Variants in RELN observed in about 807,000 individuals in gnomAD.
RELN encodes reelin.
In RELN, 108 loss-of-function variants were observed where a neutral mutation model predicts 427.6. That is an observed-to-expected ratio of 0.25 (90% CI 0.22 to 0.30). RELN has a LOEUF of 0.30. Among genes scored for constraint, RELN ranks in the 10% least tolerant of loss-of-function variants. RELN has a pLI of 1.00. For synonymous variants in RELN, 1,524 were observed against 1,513.4 expected (o/e 1.01, Z -0.16); for missense variants, 3,715 against 4,302.8 (o/e 0.86, Z 3.82).
chr7:103,694,712 A>AT (rs904716867), intron 10 of RELN, among the ~76,000 whole-genome samples: 1 of 151,380 alleles, frequency 6.6e-6, no homozygotes, highest in African/African-American at 2.4e-5. Context: ...CACCTTGGAA[A>AT]TTTTTTTTTC....
rs368098458 is a variant in RELN at position 103,824,627 on chromosome 7, A to AGT, written c.473+8908_473+8909dup. Among the ~76,000 whole-genome samples the AGT allele has an allele frequency of 0.087, 11,420 of 130,774 alleles. 503 individuals are homozygous for AGT. The highest frequency in any genetic ancestry group is 0.093 in the Non-Finnish European group (5,828 of 62,998). The allele number at this position is 130,774 out of a possible 152,430, so 85.8% of individuals were successfully genotyped here. ...GTGTTTTCACTTTCTTTCAAAACAG[A>AGT]GTGTGTGTGTGTGTGTGTGTGTGTG... On this transcript the variant is annotated intron_variant, in intron 3 of 64. Coordinates refer to ENST00000428762, the MANE Select transcript of RELN (RefSeq NM_005045.4). This position sits in a 1 kb window ranked among gnomAD's most constrained non-coding sequence, Gnocchi z 4.4.
intron 2 of RELN, among the ~76,000 whole-genome samples, chr7:103,839,958 G>A (rs940231758): frequency 5.9e-5 from 9 of 152,096 alleles, no homozygotes; most frequent in Non-Finnish European, 1.0e-4. Flanking sequence ...TGCTGTTCTC[G>A]TGATCGTGAG....
At position 103,989,623 on chromosome 7, in the gene RELN, C is replaced by G. The variant is rs1402845141; in HGVS notation, c.-267G>C. The G allele has an allele frequency of 3.1e-5, 11 of 355,902 alleles. No homozygotes were observed. The allele number at this position is 355,902 out of a possible 1,614,324, so 22.0% of individuals were successfully genotyped here. A position where few individuals can be genotyped will look rare whatever the true frequency, so the allele number is the denominator to read the frequency against. The stretch of plus-strand genomic sequence containing the variant: ...GTCGTCTGCCGCCTCCGTGCGCCGC[C>G]GCCGCCTCTGCGCGACGCCCCTCGG... On this transcript the variant is annotated 5_prime_UTR_variant, in exon 1 of 65. Coordinates refer to ENST00000428762, the MANE Select transcript of RELN (RefSeq NM_005045.4). This position sits in a 1 kb window ranked among gnomAD's most constrained non-coding sequence, Gnocchi z 4.9.
At chr7:103,773,529 G>A (rs1377305615) in intron 4 of RELN, among the ~76,000 whole-genome samples, 1 of 150,422 alleles carries the variant, frequency 6.6e-6, no homozygotes, top group Non-Finnish European at 1.5e-5. Context: ...GAGTTCAGTG[G>A]TGCAATTTCG....
intron 1 of RELN, among the ~76,000 whole-genome samples, chr7:103,931,769 C>T (rs1400197219): frequency 6.6e-6 from 1 of 152,142 alleles, no homozygotes; most frequent in East Asian, 1.9e-4. Context: ...TAGTCCTACC[C>T]AAAAGTCTCC....
chr7:103,711,042 CA>C (rs769990622), intron 8 of RELN, among the ~76,000 whole-genome samples: 2 of 150,602 alleles, frequency 1.3e-5, no homozygotes, highest in African/African-American at 2.4e-5. Context: ...GACTCCGTCT[CA>C]AAAAAAAATT....
intron 11 of RELN, among the ~76,000 whole-genome samples, chr7:103,671,937 C>T (rs569178785): frequency 6.6e-6 from 1 of 152,262 alleles, no homozygotes; most frequent in Non-Finnish European, 1.5e-5. Context: ...ACCTTCAATT[C>T]ATTTACCTTG....
At chr7:103,796,875 C>CAAAAAAAAAAAAAAAAAAAAAA (rs1310087423) in intron 3 of RELN, among the ~76,000 whole-genome samples, 4 of 67,166 alleles carry the variant, frequency 6.0e-5, no homozygotes, top group Non-Finnish European at 8.3e-5. Flanking sequence ...CTCCATCTCA[C>CAAAAAAAAAAAAAAAAAAAAAA]AAAAAAAAAA....
At chr7:103,503,254 A>C in intron 51 of RELN, 24 bp from the exon 52 acceptor site, 5 of 1,603,558 alleles carry the variant, frequency 3.1e-6, no homozygotes, top group South Asian at 1.1e-5. Flanking sequence ...AAACAAGATC[A>C]AGGTATTAAA....
rs1792681017 is a variant in RELN at position 103,809,444 on chromosome 7, CGCG to C, written c.473+24090_473+24092del. 4.0e-5 allele frequency among the ~76,000 whole-genome samples: 6 copies of C among 148,602 alleles called. No homozygotes were observed. In the South Asian group the frequency reaches 1.4e-3, roughly 35 times the overall value. The stretch of plus-strand genomic sequence containing the variant: ...AGTGTACCACCTGTGCTACAGGCCT[CGCG>C]AGCAGCCAGCCACCTCCAGGAGAGA... On this transcript the variant is annotated intron_variant, in intron 3 of 64. Coordinates refer to ENST00000428762, the MANE Select transcript of RELN (RefSeq NM_005045.4).
intron 20 of RELN, among the ~76,000 whole-genome samples, chr7:103,619,502 A>G (rs902591831): frequency 6.6e-6 from 1 of 152,234 alleles, no homozygotes; most frequent in African/African-American, 2.4e-5. Flanking sequence ...GCTAATTCCA[A>G]AAACTTTAAC....
At chr7:103,522,238 A>G in intron 47 of RELN, 39 bp from the exon 48 acceptor site, 1 of 1,599,548 alleles carries the variant, frequency 6.3e-7, no homozygotes. Context: ...TCAACATCAG[A>G]CAAAGCCCCT....
In RELN at chr7:103,610,704, T is replaced by C. The variant is rs772586514; in HGVS notation, c.2999A>G (p.Gln1000Arg). 1 of 1,554,456 alleles carries C rather than the reference T, an allele frequency of 6.4e-7. No individual in the cohort carries two copies. The highest frequency in any genetic ancestry group is 1.7e-5 in the Admixed American group (1 of 59,940). ...QWRRVIVLLP[Q>R]KTWSSATRFR... ...AAAGATGTCATCTCACCAAGTTTTC[T>C]GGGGAAGAAGCACTATGACTCTCCT... Residue 1000 changes from glutamine to arginine, a missense_variant, in exon 22 of 65, where the codon CAG becomes CGG. Around this residue, in one of 4 missense-constraint regions of RELN, gnomAD observed 2,208 missense variants for 2,361.7 expected, o/e 0.93. Transcript: ENST00000428762.
intron 10 of RELN, among the ~76,000 whole-genome samples, chr7:103,691,616 C>A (rs1442666919): frequency 6.6e-6 from 1 of 152,026 alleles, no homozygotes; most frequent in Non-Finnish European, 1.5e-5. Context: ...AGTTCCAGAC[C>A]AGCCTGCCTA....
chr7:103,989,477 A>G lies in RELN; in HGVS notation c.-121T>C, dbSNP rs1797181172. On this transcript the variant is annotated 5_prime_UTR_variant, in exon 1 of 65. Transcript: ENST00000428762. This position sits in a 1 kb window ranked among gnomAD's most constrained non-coding sequence, Gnocchi z 4.9. ...CGAGAAGAAGGCGGACGGGAGCGGA[A>G]CGGGCTCGGGAGCGGGCCTGGGAGC... 3 of 877,778 alleles carry G rather than the reference A, an allele frequency of 3.4e-6. 1 individual carries two copies. In the African/African-American group the frequency reaches 5.5e-5, roughly 16 times the overall value. 54.4% of individuals were successfully genotyped at this position (877,778 alleles called of 1,614,324 possible).
chr7:103,940,451 C>A (rs2116734135), intron 1 of RELN, among the ~76,000 whole-genome samples: 2 of 152,296 alleles, frequency 1.3e-5, no homozygotes, highest in East Asian at 3.9e-4. Flanking sequence ...GCATTAAGTT[C>A]TTGTCAAGAA....
In RELN at chr7:103,894,065, C is replaced by A. The variant is rs17157104; in HGVS notation, c.337+23010G>T. On this transcript the variant is annotated intron_variant, in intron 2 of 64. Coordinates refer to ENST00000428762, the MANE Select transcript of RELN (RefSeq NM_005045.4). ...TCTAAAATTTTCAGTGTGTTAAATG[C>A]GCATGTACAACTATTAAAATGTTAC... Among the ~76,000 whole-genome samples, 4 of 151,992 alleles carry A rather than the reference C, an allele frequency of 2.6e-5. No homozygotes were observed. In the South Asian group the frequency reaches 6.2e-4, roughly 24 times the overall value.
chr7:103,521,526 C>A (rs1829709123), intron 48 of RELN, among the ~76,000 whole-genome samples: 1 of 152,072 alleles, frequency 6.6e-6, no homozygotes, highest in African/African-American at 2.4e-5. Flanking sequence ...ATTCAGGAAC[C>A]ATCACAGCTC....
chr7:103,683,230 G>A (rs932089770), intron 10 of RELN, among the ~76,000 whole-genome samples: 3 of 152,276 alleles, frequency 2.0e-5, no homozygotes, highest in Non-Finnish European at 2.9e-5. Flanking sequence ...GGGACTGTGA[G>A]TTCTGTAGGG....
Sources: gnomAD v4.1 joint callset for allele counts (sites outside exome capture counted in the v4.1 genomes callset) on GRCh38, gnomAD v4.1.1 for gene constraint, gnomAD v4.1.1 regional missense constraint, Gnocchi (gnomAD v3.1) non-coding constraint, MANE v1.5 for transcripts, NCBI Gene and HGNC (gene_info 2026-07-23, HGNC 2026-07-21) for gene names.